Variants in TNRC6C observed in about 807,000 individuals in gnomAD.
The protein encoded by TNRC6C is trinucleotide repeat-containing gene 6C protein.
Under a neutral mutation model 153.7 loss-of-function variants are expected in TNRC6C, and 20 were observed. The ratio of observed to expected loss-of-function variants is 0.13; its 90% CI spans 0.09 to 0.19. The LOEUF is 0.19. Among genes scored for constraint, TNRC6C ranks in the 10% least tolerant of loss-of-function variants. TNRC6C has a pLI of 1.00. For synonymous variants in TNRC6C, 811 were observed against 841.4 expected (o/e 0.96, Z 0.63); for missense variants, 1,987 against 2,172.0 (o/e 0.91, Z 1.69).
chr17:78,014,273 C>G (rs1004875750), intron 1 of TNRC6C, among the ~76,000 whole-genome samples: 1 of 152,170 alleles, frequency 6.6e-6, no homozygotes, highest in African/African-American at 2.4e-5. Flanking sequence ...CTGACAAGCT[C>G]TACACCCAGT....
intron 2 of TNRC6C, among the ~76,000 whole-genome samples, chr17:78,042,851 A>G (rs1015361573): frequency 6.6e-6 from 1 of 152,008 alleles, no homozygotes; most frequent in African/African-American, 2.4e-5. Flanking sequence ...GGTGGTGGTG[A>G]TGATGAGGAA....
At chr17:78,021,960 A>G (rs1360984882) in intron 1 of TNRC6C, among the ~76,000 whole-genome samples, 1 of 152,198 alleles carries the variant, frequency 6.6e-6, no homozygotes, top group African/African-American at 2.4e-5. Context: ...GAAGGTTTCT[A>G]TGTCTGATAG....
At chr17:77,973,204 G>A (rs974642916) in intron 1 of TNRC6C, among the ~76,000 whole-genome samples, 3 of 151,906 alleles carry the variant, frequency 2.0e-5, no homozygotes, top group African/African-American at 7.3e-5. Context: ...CTACGCCTGG[G>A]CAATACACCA....
intron 13 of TNRC6C, 89 bp downstream of exon 15, chr17:78,087,182 T>TA: frequency 6.5e-7 from 1 of 1,539,212 alleles, no homozygotes; most frequent in Non-Finnish European, 8.7e-7. Flanking sequence ...TTTCAGTGGT[T>TA]AGGAGGACTG....
intron 16 of TNRC6C, among the ~76,000 whole-genome samples, chr17:78,097,445 TC>T (rs1409610821): frequency 6.6e-6 from 1 of 152,222 alleles, no homozygotes; most frequent in African/African-American, 2.4e-5. Context: ...CCTTTAAAAC[TC>T]TTAAAACATG....
chr17:77,957,893 G>C (rs1252733830), upstream of TNRC6C, among the ~76,000 whole-genome samples: 1 of 152,244 alleles, frequency 6.6e-6, no homozygotes, highest in Admixed American at 6.5e-5. Flanking sequence ...GAGCGCCCGG[G>C]TTCGGCCCGG....
exon 3 of TNRC6C, chr17:78,048,853 C>G (rs2072461105): frequency 1.6e-6 from 2 of 1,237,910 alleles, no homozygotes; most frequent in African/African-American, 1.6e-5. Context: ...AGATCTCAGT[C>G]ATAGTGGATT....
chr17:78,105,497 T>TCCAGC (rs1426855222), exon 20 of TNRC6C: 2 of 152,242 alleles, frequency 1.3e-5, no homozygotes, highest in East Asian at 1.9e-4. Context: ...AATACTTGAA[T>TCCAGC]CCAGCAGGCC....
intron 2 of TNRC6C, among the ~76,000 whole-genome samples, chr17:78,035,985 CAG>C (rs996180742): frequency 2.0e-5 from 3 of 152,048 alleles, no homozygotes; most frequent in Admixed American, 6.5e-5. Flanking sequence ...AACAAAAAAA[CAG>C]AGTTTTATTC....
intron 3 of TNRC6C, among the ~76,000 whole-genome samples, chr17:78,055,362 A>G (rs193116800): frequency 6.6e-6 from 1 of 152,316 alleles, no homozygotes; most frequent in African/African-American, 2.4e-5. Context: ...GAAGTACAGT[A>G]AAGACATAAA....
At chr17:77,958,516 G>T (rs949999802), upstream of TNRC6C, among the ~76,000 whole-genome samples, 3 of 152,114 alleles carry the variant, frequency 2.0e-5, no homozygotes, top group African/African-American at 7.2e-5. Context: ...CCAATGGGCC[G>T]GGAGGGGCGC....
chr17:78,043,686 A>G (rs1482367171), intron 2 of TNRC6C, among the ~76,000 whole-genome samples: 2 of 152,080 alleles, frequency 1.3e-5, no homozygotes, highest in Non-Finnish European at 2.9e-5. Flanking sequence ...CTTTCTGATT[A>G]TTTTTTGTAC....
chr17:78,018,287 C>T (rs1319163238), intron 1 of TNRC6C, among the ~76,000 whole-genome samples: 1 of 152,082 alleles, frequency 6.6e-6, no homozygotes, highest in Non-Finnish European at 1.5e-5. Context: ...TCACCACGCC[C>T]GTCTAACTTT....
At chr17:78,102,195 C>G (rs966681896) in intron 17 of TNRC6C, among the ~76,000 whole-genome samples, 2 of 152,128 alleles carry the variant, frequency 1.3e-5, no homozygotes, top group African/African-American at 4.8e-5. Context: ...TCATCACCCC[C>G]GTCTCTCCTG....
chr17:78,028,337 A>T (rs967306254), intron 1 of TNRC6C, among the ~76,000 whole-genome samples: 1 of 152,158 alleles, frequency 6.6e-6, no homozygotes, highest in African/African-American at 2.4e-5. Flanking sequence ...AATTGTTGAC[A>T]CCACTGGAAC....
upstream of TNRC6C, among the ~76,000 whole-genome samples, chr17:78,002,975 G>T (rs1354680135): frequency 6.6e-6 from 1 of 152,152 alleles, no homozygotes; most frequent in African/African-American, 2.4e-5. Flanking sequence ...ATTCAGTGAG[G>T]ATCAAGAACA....
chr17:77,961,456 G>A (rs981129027), intron 1 of TNRC6C, among the ~76,000 whole-genome samples: 1 of 152,038 alleles, frequency 6.6e-6, no homozygotes, highest in Non-Finnish European at 1.5e-5. Flanking sequence ...ACGCTCGGCC[G>A]GTTTTACTTT....
intron 9 of TNRC6C, among the ~76,000 whole-genome samples, chr17:78,078,823 T>C (rs554571740): frequency 6.6e-6 from 1 of 151,902 alleles, no homozygotes; most frequent in Admixed American, 6.6e-5. Flanking sequence ...AAATTCGGGG[T>C]GGCTCACACC....
chr17:77,986,166 C>T (rs1194830639), intron 1 of TNRC6C, among the ~76,000 whole-genome samples: 4 of 152,038 alleles, frequency 2.6e-5, no homozygotes, highest in Non-Finnish European at 4.4e-5. Context: ...CCTGTAATCC[C>T]AGCACTTGGA....
Sources: gnomAD v4.1 joint callset for allele counts (sites outside exome capture counted in the v4.1 genomes callset) on GRCh38, gnomAD v4.1.1 for gene constraint, MANE v1.5 for transcripts, NCBI Gene and HGNC (gene_info 2026-07-23, HGNC 2026-07-21) for gene names.